ZNF804A: variants seen among roughly 807,000 people sequenced by gnomAD.
ZNF804A encodes zinc finger protein 804A.
In ZNF804A, 2 loss-of-function variants were observed where a neutral mutation model predicts 16.5. The ratio of observed to expected loss-of-function variants is 0.12; its 90% CI spans 0.05 to 0.38. ZNF804A has a LOEUF of 0.38. Among genes scored for constraint, ZNF804A ranks in the 10% least tolerant of loss-of-function variants. ZNF804A has a pLI of 0.99. For missense variants in ZNF804A, 1,473 were observed against 1,390.7 expected, an observed-to-expected ratio of 1.06 and a Z score of -0.94; for synonymous variants, 534 against 489.6, an observed-to-expected ratio of 1.09 and a Z score of -1.20.
At chr2:184,753,000 T>C (rs1182381267) in intron 1 of ZNF804A, among the ~76,000 whole-genome samples, 1 of 151,500 alleles carries the variant, frequency 6.6e-6, no homozygotes, top group Non-Finnish European at 1.5e-5. Flanking sequence ...CCCTTTTACA[T>C]ATAAGATCAT....
intron 1 of ZNF804A, among the ~76,000 whole-genome samples, chr2:184,700,406 A>G (rs1363863773): frequency 1.3e-5 from 2 of 152,102 alleles, no homozygotes; most frequent in Non-Finnish European, 2.9e-5. Context: ...AGGCCTCTGT[A>G]TTACAGGAAT....
chr2:184,786,216 T>G (rs1381023991), intron 1 of ZNF804A, among the ~76,000 whole-genome samples: 1 of 152,080 alleles, frequency 6.6e-6, no homozygotes, highest in Admixed American at 6.6e-5. Flanking sequence ...CAGTAAATAC[T>G]AGGAGAAGAA....
At chr2:184,887,807 G>T (rs1269704709) in intron 2 of ZNF804A, among the ~76,000 whole-genome samples, 2 of 152,156 alleles carry the variant, frequency 1.3e-5, no homozygotes, top group African/African-American at 4.8e-5. Context: ...AATTCAAGTT[G>T]GGATTTGGGT....
At chr2:184,698,480 G>T (rs562593160) in intron 1 of ZNF804A, among the ~76,000 whole-genome samples, 1 of 151,936 alleles carries the variant, frequency 6.6e-6, no homozygotes, top group East Asian at 1.9e-4. Flanking sequence ...AATTTATTCC[G>T]CCTTAACCTT....
At chr2:184,708,514 C>T (rs1411631787) in intron 1 of ZNF804A, among the ~76,000 whole-genome samples, 1 of 151,986 alleles carries the variant, frequency 6.6e-6, no homozygotes, top group Non-Finnish European at 1.5e-5. Context: ...GCCTTCTGAT[C>T]TTCAACAGAG....
intron 1 of ZNF804A, among the ~76,000 whole-genome samples, chr2:184,762,143 T>G (rs2105763831): frequency 6.6e-6 from 1 of 152,160 alleles, no homozygotes; most frequent in East Asian, 1.9e-4. Flanking sequence ...GCTTTCTTAC[T>G]ATTTAAATTC....
At chr2:184,749,242 T>C (rs1257584108) in intron 1 of ZNF804A, among the ~76,000 whole-genome samples, 2 of 151,574 alleles carry the variant, frequency 1.3e-5, no homozygotes, top group Non-Finnish European at 3.0e-5. Flanking sequence ...TGTGTCATCA[T>C]TGATTACTTT....
At chr2:184,649,506 A>G (rs112317399) in intron 1 of ZNF804A, among the ~76,000 whole-genome samples, 1 of 152,248 alleles carries the variant, frequency 6.6e-6, no homozygotes, top group Non-Finnish European at 1.5e-5. Context: ...TGAAAGGATA[A>G]ACAAGATTGA....
intron 1 of ZNF804A, among the ~76,000 whole-genome samples, chr2:184,861,997 C>G (rs1227783804): frequency 6.6e-6 from 1 of 152,142 alleles, no homozygotes; most frequent in Non-Finnish European, 1.5e-5. Context: ...TTAGAATGAC[C>G]TGACTCGTTG....
intron 1 of ZNF804A, among the ~76,000 whole-genome samples, chr2:184,812,263 AAC>A (rs1162128504): frequency 2.6e-5 from 4 of 152,178 alleles, no homozygotes; most frequent in Non-Finnish European, 5.9e-5. Context: ...CTAGTTCGCC[AAC>A]CACACATTGT....
intron 2 of ZNF804A, among the ~76,000 whole-genome samples, chr2:184,873,214 T>C (rs1055343664): frequency 1.3e-5 from 2 of 152,144 alleles, no homozygotes; most frequent in African/African-American, 4.8e-5. Context: ...TATAGAAGTA[T>C]TAAAAGCACA....
At chr2:184,784,145 T>C (rs1236053829) in intron 1 of ZNF804A, among the ~76,000 whole-genome samples, 2 of 151,702 alleles carry the variant, frequency 1.3e-5, no homozygotes, top group Non-Finnish European at 2.9e-5. Flanking sequence ...GTGCTTCATG[T>C]TTTAGGTGGG....
intron 1 of ZNF804A, among the ~76,000 whole-genome samples, chr2:184,786,743 A>G (rs933650309): frequency 6.6e-6 from 1 of 151,974 alleles, no homozygotes; most frequent in African/African-American, 2.4e-5. Context: ...TTACTTTACT[A>G]TAAAATTCTT....
rs148674809 is a variant in ZNF804A, at chr2:184,657,286, C to T, written c.111+58216C>T. 3.6e-4 allele frequency among the ~76,000 whole-genome samples: 55 copies of T among 152,130 alleles called. No homozygotes were observed. The East Asian group carries it at 9.1e-3, about 25-fold the overall frequency. Reference sequence around the variant, plus strand: ...TTTTTGGTAGAGATGGGGTTTTCGCCATGTTGCCTGGGTTAGTCTCGAACT... The same window carrying T: ...TTTTTGGTAGAGATGGGGTTTTCGCTATGTTGCCTGGGTTAGTCTCGAACT... On this transcript the variant is annotated intron_variant, in intron 1 of 3. Coordinates refer to ENST00000302277, the MANE Select transcript of ZNF804A (RefSeq NM_194250.2).
chr2:184,648,546 A>G (rs1188251486), intron 1 of ZNF804A, among the ~76,000 whole-genome samples: 1 of 152,180 alleles, frequency 6.6e-6, no homozygotes, highest in Non-Finnish European at 1.5e-5. Flanking sequence ...AAGAGATAAC[A>G]CCTCACATGT....
intron 1 of ZNF804A, among the ~76,000 whole-genome samples, chr2:184,628,805 A>G (rs988827442): frequency 5.8e-4 from 89 of 152,284 alleles, no homozygotes; most frequent in African/African-American, 2.0e-3. Context: ...GTATATGCAC[A>G]TTCAAATTTA....
At chr2:184,768,564 T>G (rs1344806730) in intron 1 of ZNF804A, among the ~76,000 whole-genome samples, 1 of 152,100 alleles carries the variant, frequency 6.6e-6, no homozygotes, top group Non-Finnish European at 1.5e-5. Flanking sequence ...ATCTCCTTAA[T>G]TTCTGTTTCA....
intron 1 of ZNF804A, among the ~76,000 whole-genome samples, chr2:184,790,347 T>C (rs1694518033): frequency 6.6e-6 from 1 of 152,008 alleles, no homozygotes; most frequent in South Asian, 2.1e-4. Context: ...GTTCTGTAGA[T>C]GTCTATTAGG....
chr2:184,609,769 T>G (rs1691207617), intron 1 of ZNF804A, among the ~76,000 whole-genome samples: 2 of 152,270 alleles, frequency 1.3e-5, no homozygotes, highest in African/African-American at 4.8e-5. Context: ...AGGCTTCATC[T>G]TCTAATACCA....
Sources: gnomAD v4.1 joint callset for allele counts (sites outside exome capture counted in the v4.1 genomes callset) on GRCh38, gnomAD v4.1.1 for gene constraint, MANE v1.5 for transcripts, NCBI Gene and HGNC (gene_info 2026-07-23, HGNC 2026-07-21) for gene names.